The following CMTM7 variants were observed in gnomAD, a reference collection of about 807,000 sequenced individuals.
CMTM7 encodes CKLF like MARVEL transmembrane domain containing 7.
In CMTM7, 7 loss-of-function variants were observed where a neutral mutation model predicts 19.3. The ratio of observed to expected loss-of-function variants is 0.36; its 90% confidence interval spans 0.21 to 0.68. CMTM7 has a LOEUF of 0.68. CMTM7 is among the 30% of genes least tolerant of loss of function. The pLI is 0.60. For synonymous variants in CMTM7, 87 were observed against 99.3 expected (o/e 0.88, Z 0.74); for missense variants, 193 against 232.6 (o/e 0.83, Z 1.11).
chr3:32,406,215 A>G lies in CMTM7; in HGVS notation c.159+14150A>G, dbSNP rs186536897. 2.1e-3 allele frequency among the ~76,000 whole-genome samples: 322 copies of G among 152,300 alleles called. 2 individuals carry two copies. The highest frequency in any genetic ancestry group is 7.4e-3 in the African/African-American group (307 of 41,562). On this transcript the variant is annotated intron_variant, in intron 1 of 4. Transcript: ENST00000334983. The stretch of plus-strand genomic sequence containing the variant: ...TTTTTATAGCTGCATTGTATTCCAG[A>G]GAATGGATTTACTATATTTATTTAA...
chr3:32,419,402 C>T (rs1696311287), intron 1 of CMTM7, among the ~76,000 whole-genome samples: 1 of 152,168 alleles, frequency 6.6e-6, no homozygotes, highest in African/African-American at 2.4e-5. Context: ...ATTGCAACTT[C>T]CAGCAGTATA....
At chr3:32,399,501 A>G (rs2125618877) in intron 1 of CMTM7, among the ~76,000 whole-genome samples, 1 of 152,254 alleles carries the variant, frequency 6.6e-6, no homozygotes, top group East Asian at 1.9e-4. Context: ...AGACCCTCTA[A>G]GAGGCCTGGG....
At chr3:32,402,279 T>G (rs906922327) in intron 1 of CMTM7, among the ~76,000 whole-genome samples, 9 of 151,770 alleles carry the variant, frequency 5.9e-5, no homozygotes, top group Non-Finnish European at 1.3e-4. Flanking sequence ...GCCCAGCTAA[T>G]TTTTGTATTT....
intron 2 of CMTM7, among the ~76,000 whole-genome samples, chr3:32,448,286 A>ATC (rs898999332): frequency 6.6e-6 from 1 of 152,190 alleles, no homozygotes; most frequent in Non-Finnish European, 1.5e-5. Flanking sequence ...TTCAGTTAAA[A>ATC]TCTCTGTGAT....
At chr3:32,434,711 T>C (rs1258583653) in intron 1 of CMTM7, among the ~76,000 whole-genome samples, 1 of 152,004 alleles carries the variant, frequency 6.6e-6, no homozygotes, top group Non-Finnish European at 1.5e-5. Context: ...CTTTTAACTT[T>C]AGTCAAACAA....
chr3:32,431,271 A>G (rs1696514362), intron 1 of CMTM7, among the ~76,000 whole-genome samples: 1 of 152,258 alleles, frequency 6.6e-6, no homozygotes, highest in African/African-American at 2.4e-5. Flanking sequence ...AAACATGGAA[A>G]GAAATACCTC....
At chr3:32,421,672 G>A (rs1289614054) in intron 1 of CMTM7, among the ~76,000 whole-genome samples, 3 of 152,196 alleles carry the variant, frequency 2.0e-5, no homozygotes, top group Non-Finnish European at 2.9e-5. Context: ...CAGGGTCCGT[G>A]TCTAAGCTGT....
At chr3:32,402,649 G>C (rs958161394) in intron 1 of CMTM7, among the ~76,000 whole-genome samples, 1 of 151,750 alleles carries the variant, frequency 6.6e-6, no homozygotes, top group African/African-American at 2.4e-5. Flanking sequence ...TGTAACCTTC[G>C]CCTCCTGGGT....
At chr3:32,395,045 C>T (rs1695895411) in intron 1 of CMTM7, among the ~76,000 whole-genome samples, 1 of 150,596 alleles carries the variant, frequency 6.6e-6, no homozygotes, top group South Asian at 2.1e-4. Flanking sequence ...TGCTCTGTCA[C>T]CCAGGCTGGA....
At chr3:32,399,217 C>T (rs1695964510) in intron 1 of CMTM7, among the ~76,000 whole-genome samples, 1 of 150,924 alleles carries the variant, frequency 6.6e-6, no homozygotes, top group Admixed American at 6.6e-5. Context: ...TAACTAGGGG[C>T]TGTACCGCCC....
intron 1 of CMTM7, among the ~76,000 whole-genome samples, chr3:32,410,309 G>A (rs916852740): frequency 6.6e-6 from 1 of 152,210 alleles, no homozygotes; most frequent in Non-Finnish European, 1.5e-5. Context: ...AGGTCACCAC[G>A]GAGTGTCCAG....
Position 32,402,510 on chromosome 3 carries a change from G to GA in CMTM7, c.159+10451dup, listed in dbSNP as rs550974452. On this transcript the variant is annotated intron_variant, in intron 1 of 4. Transcript: ENST00000334983. ...CCCAAAGGGTTGCCCTGAAGCTTCA[G>GA]AAAAAAGCTGTGTCATGCTCATTTG... is the stretch of plus-strand genomic sequence containing the variant. Among the ~76,000 whole-genome samples, 11 of 152,260 alleles carry GA rather than the reference G, an allele frequency of 7.2e-5. No individual in the cohort carries two copies. The East Asian group carries it at 1.9e-3, about 27-fold the overall frequency.
chr3:32,433,019 A>T (rs921470710), intron 1 of CMTM7, among the ~76,000 whole-genome samples: 1 of 152,188 alleles, frequency 6.6e-6, no homozygotes, highest in Non-Finnish European at 1.5e-5. Flanking sequence ...GCAGCAGAAA[A>T]TGCTCTTTTT....
chr3:32,431,948 A>G (rs1335208957), intron 1 of CMTM7, among the ~76,000 whole-genome samples: 1 of 152,166 alleles, frequency 6.6e-6, no homozygotes. Flanking sequence ...CCCGGTCAAC[A>G]TTGCTGACTT....
At chr3:32,411,391 G>A (rs1255834294) in intron 1 of CMTM7, among the ~76,000 whole-genome samples, 1 of 152,144 alleles carries the variant, frequency 6.6e-6, no homozygotes, top group Non-Finnish European at 1.5e-5. Context: ...AATTGGTTAA[G>A]ATATCCCTAA....
intron 1 of CMTM7, among the ~76,000 whole-genome samples, chr3:32,424,506 G>A (rs1413179086): frequency 6.6e-6 from 1 of 152,218 alleles, no homozygotes; most frequent in African/African-American, 2.4e-5. Context: ...CACAGCCACA[G>A]TACATGAACG....
chr3:32,392,133 G>C (rs778350995), intron 1 of CMTM7, 68 bp downstream of exon 1: 1 of 1,151,308 alleles, frequency 8.7e-7, no homozygotes, highest in African/African-American at 1.6e-5. Context: ...GTCCGGGAGC[G>C]GACGCGCCGG....
intron 1 of CMTM7, among the ~76,000 whole-genome samples, chr3:32,435,233 C>T (rs1413926449): frequency 6.6e-6 from 1 of 152,098 alleles, no homozygotes; most frequent in Non-Finnish European, 1.5e-5. Flanking sequence ...GAAACCCCAT[C>T]TCTACTACAA....
intron 1 of CMTM7, among the ~76,000 whole-genome samples, chr3:32,438,972 A>T (rs916830698): frequency 6.6e-6 from 1 of 152,206 alleles, no homozygotes; most frequent in African/African-American, 2.4e-5. Context: ...ATCCCACATT[A>T]TCTGCATTTT....
Sources: gnomAD v4.1 joint callset for allele counts (sites outside exome capture counted in the v4.1 genomes callset) on GRCh38, gnomAD v4.1.1 for gene constraint, MANE v1.5 for transcripts, NCBI Gene and HGNC (gene_info 2026-07-23, HGNC 2026-07-21) for gene names.